Variants in KCNH8 observed in about 807,000 individuals in gnomAD.
The protein encoded by KCNH8 is voltage-gated delayed rectifier potassium channel KCNH8.
Under a neutral mutation model 103.6 loss-of-function variants are expected in KCNH8, and 70 were observed. The ratio of observed to expected loss-of-function variants is 0.68; its 90% confidence interval spans 0.56 to 0.82. The LOEUF (loss-of-function observed/expected upper bound fraction) is 0.82, where lower values mean the gene tolerates loss of function less well. KCNH8 is among the 40% of genes least tolerant of loss of function. KCNH8 has a pLI of 0.00. For missense variants in KCNH8, 1,217 were observed against 1,329.9 expected, an observed-to-expected ratio of 0.92 and a Z score of 1.32; for synonymous variants, 498 against 489.4, an observed-to-expected ratio of 1.02 and a Z score of -0.23.
intron 3 of KCNH8, among the ~76,000 whole-genome samples, chr3:19,298,503 A>G (rs1051562123): frequency 2.0e-5 from 3 of 152,240 alleles, no homozygotes; most frequent in Non-Finnish European, 4.4e-5. Context: ...GTAATTATAA[A>G]GAAATCAATT....
chr3:19,467,454 C>A (rs1238514871), intron 11 of KCNH8, among the ~76,000 whole-genome samples: 1 of 152,164 alleles, frequency 6.6e-6, no homozygotes, highest in Non-Finnish European at 1.5e-5. Flanking sequence ...CTGGTGAAAT[C>A]TTTGACAGTC....
intron 5 of KCNH8, among the ~76,000 whole-genome samples, chr3:19,389,900 G>A (rs2066410620): frequency 6.6e-6 from 1 of 152,050 alleles, no homozygotes; most frequent in South Asian, 2.1e-4. Context: ...AAAGTGCTGG[G>A]ATTACAGGCA....
chr3:19,281,148 A>G, intron 2 of KCNH8, 50 bp from the exon 3 acceptor site: 2 of 1,584,730 alleles, frequency 1.3e-6, no homozygotes, highest in Non-Finnish European at 1.7e-6. Flanking sequence ...TTCCATAGAG[A>G]TAACACAAGG....
chr3:19,274,530 A>G (rs1389376353), intron 2 of KCNH8, among the ~76,000 whole-genome samples: 1 of 152,148 alleles, frequency 6.6e-6, no homozygotes, highest in Non-Finnish European at 1.5e-5. Flanking sequence ...CATGGGAACC[A>G]ATTTGGTTTT....
At chr3:19,258,556 C>CT (rs1559446607) in intron 2 of KCNH8, among the ~76,000 whole-genome samples, 1 of 152,022 alleles carries the variant, frequency 6.6e-6, no homozygotes, top group Non-Finnish European at 1.5e-5. Context: ...ACACTGGATT[C>CT]TAACTACCTG....
At chr3:19,259,873 A>AG (rs1246793770) in intron 2 of KCNH8, among the ~76,000 whole-genome samples, 1 of 151,772 alleles carries the variant, frequency 6.6e-6, no homozygotes, top group Non-Finnish European at 1.5e-5. Context: ...ATGCCTCCAA[A>AG]GGGGGAACCT....
At chr3:19,264,731 G>A (rs962413677) in intron 2 of KCNH8, among the ~76,000 whole-genome samples, 4 of 152,096 alleles carry the variant, frequency 2.6e-5, no homozygotes, top group East Asian at 1.9e-4. Context: ...TTTACTGAGC[G>A]TTCACTGTGG....
chr3:19,288,822 T>C (rs1331962226), intron 3 of KCNH8, among the ~76,000 whole-genome samples: 2 of 152,230 alleles, frequency 1.3e-5, no homozygotes, highest in African/African-American at 2.4e-5. Flanking sequence ...TCCACAATGG[T>C]TGAACTAGTT....
intron 1 of KCNH8, among the ~76,000 whole-genome samples, chr3:19,178,156 T>C (rs571397373): frequency 9.2e-5 from 14 of 152,224 alleles, no homozygotes; most frequent in African/African-American, 3.1e-4. Context: ...GTTAATAAGA[T>C]TTAGAATTGA....
chr3:19,179,626 C>G lies in KCNH8; in HGVS notation c.76+30831C>G, dbSNP rs9834455. Among the ~76,000 whole-genome samples, 1,150 of 152,174 alleles carry G rather than the reference C, an allele frequency of 7.6e-3. 9 individuals are homozygous for G. Among genetic ancestry groups the G allele is most frequent in the African/African-American group, 0.027 (1,113 of 41,526 alleles). On this transcript the variant is annotated intron_variant, in intron 1 of 15. Coordinates refer to ENST00000328405, the MANE Select transcript of KCNH8 (RefSeq NM_144633.3). ...GTTTAACAGAATGAAATAATAGTAA[C>G]AGCTACAATAAAATCATTCTCTTTA...
intron 2 of KCNH8, among the ~76,000 whole-genome samples, chr3:19,269,547 C>G (rs1334180769): frequency 6.6e-6 from 1 of 151,972 alleles, no homozygotes; most frequent in Non-Finnish European, 1.5e-5. Context: ...TTAAAGGTAC[C>G]TATTCTTTTT....
At chr3:19,385,238 G>C (rs1160361944) in intron 5 of KCNH8, among the ~76,000 whole-genome samples, 5 of 151,910 alleles carry the variant, frequency 3.3e-5, no homozygotes, top group Admixed American at 6.6e-5. Flanking sequence ...AGAAAATGAT[G>C]AACACTCCAC....
intron 3 of KCNH8, among the ~76,000 whole-genome samples, chr3:19,283,203 T>C (rs2064780087): frequency 1.3e-5 from 2 of 152,192 alleles, no homozygotes; most frequent in African/African-American, 4.8e-5. Context: ...CTTGAAAGAT[T>C]ACACCTGTCA....
chr3:19,449,105 C>T (rs1173636916), intron 8 of KCNH8: 3 of 421,450 alleles, frequency 7.1e-6, no homozygotes, highest in Non-Finnish European at 1.4e-5. Flanking sequence ...TCCATCCTTT[C>T]ACTCTACTGT....
At chr3:19,212,164 T>A (rs78109478) in intron 1 of KCNH8, among the ~76,000 whole-genome samples, 6,213 of 152,310 alleles carry the variant, frequency 0.041, 452 homozygotes, top group African/African-American at 0.14. Flanking sequence ...CTTCTCAGAT[T>A]TCACATATTT....
Position 19,535,482 on chromosome 3 carries a change from A to C in KCNH8, c.*1383A>C, listed in dbSNP as rs1398700341. On this transcript the variant is annotated 3_prime_UTR_variant, in exon 16 of 16. Transcript: ENST00000328405. ...CAGATGCTGGGATTGGCAATGATTT[A>C]AGCACCTTCACTAAAGTCTTATTTT... 1 of 152,216 alleles carries C rather than the reference A, an allele frequency of 6.6e-6. No homozygotes were observed. Among genetic ancestry groups the C allele is most frequent in the East Asian group, 1.9e-4 (1 of 5,192 alleles). 9.4% of individuals were successfully genotyped at this position (152,216 alleles called of 1,614,324 possible).
intron 11 of KCNH8, among the ~76,000 whole-genome samples, chr3:19,491,330 C>A (rs2068316153): frequency 6.6e-6 from 1 of 152,186 alleles, no homozygotes; most frequent in Non-Finnish European, 1.5e-5. Flanking sequence ...AGGCCCCCTT[C>A]CCCGCTCTCT....
intron 15 of KCNH8, among the ~76,000 whole-genome samples, chr3:19,518,742 C>A (rs1243333532): frequency 6.6e-6 from 1 of 152,022 alleles, no homozygotes; most frequent in East Asian, 1.9e-4. Context: ...CAGTTAATCT[C>A]TATTCTTATG....
At chr3:19,457,247 A>G (rs867288070) in intron 11 of KCNH8, among the ~76,000 whole-genome samples, 7 of 151,926 alleles carry the variant, frequency 4.6e-5, no homozygotes, top group Non-Finnish European at 1.0e-4. Context: ...TAAAACTACA[A>G]TCCATTTCAG....
Sources: allele counts gnomAD v4.1 joint callset (sites outside exome capture counted in the v4.1 genomes callset), GRCh38; gene constraint gnomAD v4.1.1; transcripts MANE v1.5; gene names NCBI Gene and HGNC (gene_info 2026-07-23, HGNC 2026-07-21).